Variants in EIF4A2 observed in about 807,000 individuals in gnomAD.
EIF4A2 encodes the protein eukaryotic initiation factor 4A-II.
A neutral mutation model predicts 50.6 loss-of-function variants in EIF4A2; 9 were observed. The ratio of observed to expected loss-of-function variants is 0.18; its 90% CI spans 0.11 to 0.31. The LOEUF is 0.31. Ranked by LOEUF, EIF4A2 falls within the 10% of genes least tolerant of loss-of-function variation. The pLI, the probability that EIF4A2 is intolerant of heterozygous loss-of-function variation, is 1.00. For missense variants in EIF4A2, 182 were observed against 501.8 expected, an observed-to-expected ratio of 0.36 and a Z score of 6.09; for synonymous variants, 215 against 164.4, an observed-to-expected ratio of 1.31 and a Z score of -2.35.
intron 5 of EIF4A2, 44 bp downstream of exon 5, chr3:186,786,095 C>G (rs1325142193): frequency 1.7e-5 from 28 of 1,600,070 alleles, no homozygotes; most frequent in Non-Finnish European, 2.3e-5. Flanking sequence ...AAACTGTTAA[C>G]ATAGTTGAAA....
rs995715217 is a variant in EIF4A2 at position 186,788,247 on chromosome 3, C to T, written c.1079+365C>T. On this transcript the variant is annotated intron_variant, in intron 10 of 10. Transcript: ENST00000323963. ...CCTGGTTTAGTTATAGTGGCTTTATCCCTAAATAAATTGAATTGTACTTTG... is the reference window on the plus strand; with the variant it reads ...CCTGGTTTAGTTATAGTGGCTTTATTCCTAAATAAATTGAATTGTACTTTG... The T allele has an allele frequency of 1.7e-5, 21 of 1,251,358 alleles. No homozygotes were observed. The African/African-American group carries it at 2.2e-4, about 13-fold the overall frequency. 77.5% of individuals were successfully genotyped at this position (1,251,358 alleles called of 1,614,324 possible). A position where few individuals can be genotyped will look rare whatever the true frequency, so the allele number is the denominator to read the frequency against.
At chr3:186,784,218 G>A in intron 1 of EIF4A2, 1 of 640,390 alleles carries the variant, frequency 1.6e-6, no homozygotes, top group Non-Finnish European at 2.6e-6. Flanking sequence ...AAACGGGATC[G>A]CCATGCGCTC....
In EIF4A2 at chr3:186,789,342, T is replaced by C; in HGVS notation, c.*73T>C. 6.6e-7 allele frequency: 1 copy of C among 1,517,036 alleles called. No individual in the cohort carries two copies. Among genetic ancestry groups the C allele is most frequent in the Admixed American group, 2.2e-5 (1 of 46,014 alleles). The allele number at this position is 1,517,036 out of a possible 1,614,324, so 94.0% of individuals were successfully genotyped here. On this transcript the variant is annotated 3_prime_UTR_variant, in exon 11 of 11. Coordinates refer to ENST00000323963, the MANE Select transcript of EIF4A2 (RefSeq NM_001967.4). ...GCGATCACAACGTGCATTGTGCTTC[T>C]TTCTTTGGGAATATTTGAATCTTGT...
chr3:186,787,032 A>C (rs1209370586), intron 7 of EIF4A2, 95 bp from the exon 8 acceptor site: 1 of 1,495,414 alleles, frequency 6.7e-7, no homozygotes, highest in East Asian at 2.7e-5. Flanking sequence ...GGCTGGGATT[A>C]CAGGCATTAG....
In EIF4A2 at chr3:186,785,631, GA is replaced by G. The variant is rs542460422; in HGVS notation, c.349-249del. ...CTACCTACAGTGAAGAATAATGTAG[GA>G]AACGTTATTCTTGGATTGTCTAGCT... On this transcript the variant is annotated intron_variant, in intron 4 of 10. Coordinates refer to ENST00000323963, the MANE Select transcript of EIF4A2 (RefSeq NM_001967.4). 314 of 456,862 alleles carry G rather than the reference GA, an allele frequency of 6.9e-4. 1 individual carries two copies. Among genetic ancestry groups the G allele is most frequent in the African/African-American group, 5.6e-3 (293 of 52,204 alleles). 28.3% of individuals were successfully genotyped at this position (456,862 alleles called of 1,614,324 possible). A position where few individuals can be genotyped will look rare whatever the true frequency, so the allele number is the denominator to read the frequency against.
chr3:186,789,816 G>T lies in EIF4A2; in HGVS notation c.*547G>T. The T allele has an allele frequency of 1.6e-6, 1 of 618,230 alleles. No homozygotes were observed. Among genetic ancestry groups the T allele is most frequent in the Non-Finnish European group, 2.8e-6 (1 of 354,080 alleles). The allele number at this position is 618,230 out of a possible 1,614,324, so 38.3% of individuals were successfully genotyped here. A position where few individuals can be genotyped will look rare whatever the true frequency, so the allele number is the denominator to read the frequency against. The stretch of plus-strand genomic sequence containing the variant: ...AGCCCCAGCAAGCAATCCTAGGTAG[G>T]GTTTAATCCCCAGTAAAATTGCCAT... On this transcript the variant is annotated 3_prime_UTR_variant, in exon 11 of 11. Transcript: ENST00000323963.
intron 4 of EIF4A2, 102 bp from the exon 5 acceptor site, chr3:186,785,781 A>C: frequency 6.9e-7 from 1 of 1,455,614 alleles, no homozygotes; most frequent in Non-Finnish European, 9.2e-7. Flanking sequence ...CTGTGCATGC[A>C]TAAAAGCTGT....
At chr3:186,786,901 A>G in intron 7 of EIF4A2, 1 of 884,664 alleles carries the variant, frequency 1.1e-6, no homozygotes, top group Non-Finnish European at 1.9e-6. Flanking sequence ...CTACGTTTTG[A>G]GACTGGGTTA....
intron 10 of EIF4A2, chr3:186,788,509 G>A: frequency 9.3e-7 from 1 of 1,079,160 alleles, no homozygotes; most frequent in Non-Finnish European, 1.2e-6. Context: ...ATTTCTATTA[G>A]GGAACCTTTC....
Position 186,783,684 on chromosome 3 carries a change from G to A in EIF4A2, c.29+45G>A, listed in dbSNP as rs1236488474. On this transcript the variant is annotated intron_variant, in intron 1 of 10. Transcript: ENST00000323963. ...TCGCGGTCTGTAGTGAAGGTCATAG[G>A]GCGCCAGGGGAGATGATAGTGGATG... The A allele has an allele frequency of 2.5e-6, 4 of 1,614,002 alleles. No individual in the cohort carries two copies. In the Admixed American group the frequency reaches 5.0e-5, roughly 20 times the overall value.
chr3:186,789,894 T>G lies in EIF4A2; in HGVS notation c.*625T>G. ...TGTTAAATAAATTGTATATTCACTTTAAAGGTGCTTTTGGTCATTTTATTT... is the reference window on the plus strand; with the variant it reads ...TGTTAAATAAATTGTATATTCACTTGAAAGGTGCTTTTGGTCATTTTATTT... On this transcript the variant is annotated 3_prime_UTR_variant, in exon 11 of 11. Transcript: ENST00000323963. 1.1e-6 allele frequency: 1 copy of G among 929,756 alleles called. No homozygotes were observed. Among genetic ancestry groups the G allele is most frequent in the East Asian group, 2.6e-5 (1 of 38,940 alleles). The allele number at this position is 929,756 out of a possible 1,614,324, so 57.6% of individuals were successfully genotyped here.
chr3:186,784,385 T>A (rs1181404478), intron 1 of EIF4A2, 47 bp from the exon 2 acceptor site: 1 of 1,613,898 alleles, frequency 6.2e-7, no homozygotes, highest in East Asian at 2.2e-5. Context: ...AAGGTGCAGT[T>A]GAGGTGGCCT....
In EIF4A2 at chr3:186,789,775, C is replaced by G. The variant is rs1722006445; in HGVS notation, c.*506C>G. 2 of 560,024 alleles carry G rather than the reference C, an allele frequency of 3.6e-6. No homozygotes were observed. The highest frequency in any genetic ancestry group is 3.8e-5 in the African/African-American group (2 of 52,880). 34.7% of individuals were successfully genotyped at this position (560,024 alleles called of 1,614,324 possible). On this transcript the variant is annotated 3_prime_UTR_variant, in exon 11 of 11. Coordinates refer to ENST00000323963, the MANE Select transcript of EIF4A2 (RefSeq NM_001967.4). ...GTATTTAATTAGTGCTAAGTGTGAACTGGACCCTGTTGCTAAGCCCCAGCA... is the reference window on the plus strand; with the variant it reads ...GTATTTAATTAGTGCTAAGTGTGAAGTGGACCCTGTTGCTAAGCCCCAGCA...
chr3:186,784,021 C>G (rs189075668), intron 1 of EIF4A2: 74 of 407,540 alleles, frequency 1.8e-4, no homozygotes, highest in Non-Finnish European at 3.0e-4. Context: ...CTAGGCTTTA[C>G]TTGGGGAAGG....
In EIF4A2 at chr3:186,789,473, CTG is replaced by C. The variant is rs1256934317; in HGVS notation, c.*206_*207del. The C allele has an allele frequency of 2.3e-5, 13 of 559,306 alleles. No homozygotes were observed. The South Asian group carries it at 4.3e-4, about 18-fold the overall frequency. The allele number at this position is 559,306 out of a possible 1,614,324, so 34.6% of individuals were successfully genotyped here. A position where few individuals can be genotyped will look rare whatever the true frequency, so the allele number is the denominator to read the frequency against. On this transcript the variant is annotated 3_prime_UTR_variant, in exon 11 of 11. Coordinates refer to ENST00000323963, the MANE Select transcript of EIF4A2 (RefSeq NM_001967.4). ...TGGCTTTATCCTCTTTAGAGTTAGACTGTTGGGGTGGGTATAAAAGATGGGGT... is the reference window on the plus strand; with the variant it reads ...TGGCTTTATCCTCTTTAGAGTTAGACTTGGGGTGGGTATAAAAGATGGGGT...
chr3:186,786,096 A>G lies in EIF4A2; in HGVS notation c.517+45A>G, dbSNP rs143508878. On this transcript the variant is annotated intron_variant, in intron 5 of 10. Transcript: ENST00000323963. ...GAGTATTTTTTTTAAAACTGTTAAC[A>G]TAGTTGAAAAGTCAAATTGTATCAC... The G allele has an allele frequency of 4.7e-3, 7,538 of 1,601,274 alleles. 68 individuals are homozygous for G. The highest frequency in any genetic ancestry group is 0.024 in the South Asian group (2,215 of 90,744).
At position 186,789,359 on chromosome 3, in the gene EIF4A2, G is replaced by T; in HGVS notation, c.*90G>T. The T allele has an allele frequency of 6.7e-7, 1 of 1,497,042 alleles. No individual in the cohort carries two copies. Among genetic ancestry groups the T allele is most frequent in the African/African-American group, 1.4e-5 (1 of 71,138 alleles). 92.7% of individuals were successfully genotyped at this position (1,497,042 alleles called of 1,614,324 possible). On this transcript the variant is annotated 3_prime_UTR_variant, in exon 11 of 11. Transcript: ENST00000323963. ...TGTGCTTCTTTCTTTGGGAATATTT[G>T]AATCTTGTCTCAATGCTCATAACGG...
rs1310647607 is a variant in EIF4A2 at position 186,784,519 on chromosome 3, T to C, written c.75+42T>C. 1.9e-6 allele frequency: 3 copies of C among 1,613,822 alleles called. No individual in the cohort carries two copies. The African/African-American group carries it at 4.0e-5, about 22-fold the overall frequency. On this transcript the variant is annotated intron_variant, in intron 2 of 10. Coordinates refer to ENST00000323963, the MANE Select transcript of EIF4A2 (RefSeq NM_001967.4). Reference sequence around the variant, plus strand: ...GATCTTGAAGCTTTGGAAAGGTGAGTGTGTTCATCTCATTTATGCGTGCAT... The same window carrying C: ...GATCTTGAAGCTTTGGAAAGGTGAGCGTGTTCATCTCATTTATGCGTGCAT...
intron 10 of EIF4A2, chr3:186,788,863 A>G (rs958450115): frequency 1.2e-5 from 5 of 400,998 alleles, no homozygotes; most frequent in African/African-American, 1.0e-4. Context: ...CAAACACGAT[A>G]CTGTCATCTG....
Sources: allele counts gnomAD v4.1 joint callset, GRCh38; gene constraint gnomAD v4.1.1; transcripts MANE v1.5; gene names NCBI Gene and HGNC (gene_info 2026-07-23, HGNC 2026-07-21).